AIG1: variants seen among roughly 807,000 people sequenced by gnomAD.
AIG1 encodes the protein androgen induced 1.
Under a neutral mutation model 31.4 loss-of-function variants are expected in AIG1, and 23 were observed. The ratio of observed to expected loss-of-function variants is 0.73; its 90% CI spans 0.53 to 1.04. AIG1 has a LOEUF of 1.04. Among genes scored for constraint, AIG1 ranks in the 50% least tolerant of loss-of-function variants. AIG1 has a pLI of 0.00. For synonymous variants in AIG1, 100 were observed against 110.5 expected (o/e 0.90, Z 0.60); for missense variants, 274 against 295.0 (o/e 0.93, Z 0.52).
At chr6:143,287,112 C>A (rs1026305800) in intron 4 of AIG1, among the ~76,000 whole-genome samples, 5 of 152,050 alleles carry the variant, frequency 3.3e-5, no homozygotes, top group African/African-American at 1.2e-4. Context: ...TTCCTGGACA[C>A]CCCCCTCCAT....
At chr6:143,188,471 C>T (rs1472449029) in intron 3 of AIG1, 4 of 985,284 alleles carry the variant, frequency 4.1e-6, no homozygotes, top group Admixed American at 6.1e-5. Flanking sequence ...TAGAGTGGCA[C>T]TGGAAGGTCT....
At chr6:143,308,884 T>A (rs1405683048) in intron 4 of AIG1, among the ~76,000 whole-genome samples, 3 of 152,150 alleles carry the variant, frequency 2.0e-5, no homozygotes, top group African/African-American at 7.2e-5. Context: ...GCCTTTATCA[T>A]AAACAGTCTG....
At chr6:143,118,540 A>C (rs1781945800) in intron 1 of AIG1, among the ~76,000 whole-genome samples, 1 of 152,206 alleles carries the variant, frequency 6.6e-6, no homozygotes, top group Non-Finnish European at 1.5e-5. Flanking sequence ...AAAATACCGA[A>C]AGATTGGACT....
At chr6:143,061,399 A>G (rs1360311716) in intron 1 of AIG1, 6 of 440,070 alleles carry the variant, frequency 1.4e-5, no homozygotes, top group Non-Finnish European at 2.7e-5. Flanking sequence ...AGAATCTTCA[A>G]CAAAAGCATC....
chr6:143,117,703 C>T (rs1260301469), intron 1 of AIG1, among the ~76,000 whole-genome samples: 1 of 152,080 alleles, frequency 6.6e-6, no homozygotes, highest in African/African-American at 2.4e-5. Flanking sequence ...TATCTAAAGT[C>T]AAGAGTCGAT....
intron 3 of AIG1, among the ~76,000 whole-genome samples, chr6:143,185,496 A>T (rs1172851347): frequency 1.3e-5 from 2 of 152,212 alleles, no homozygotes; most frequent in Non-Finnish European, 2.9e-5. Context: ...AACTCTGCTT[A>T]TCAACTCCGA....
chr6:143,191,980 G>A (rs1481523739), intron 3 of AIG1, among the ~76,000 whole-genome samples: 1 of 152,106 alleles, frequency 6.6e-6, no homozygotes, highest in Non-Finnish European at 1.5e-5. Context: ...TCCTCATTCT[G>A]TTTTGAAGCT....
intron 1 of AIG1, among the ~76,000 whole-genome samples, chr6:143,088,371 A>G (rs1460925434): frequency 1.3e-5 from 2 of 152,184 alleles, no homozygotes; most frequent in Non-Finnish European, 2.9e-5. Context: ...CTAAACTATT[A>G]TGACATATAC....
At position 143,258,722 on chromosome 6, in the gene AIG1, A is replaced by G. The variant is rs997268398; in HGVS notation, c.400-25388A>G. On this transcript the variant is annotated intron_variant, in intron 3 of 5. Coordinates refer to ENST00000357847, the MANE Select transcript of AIG1 (RefSeq NM_016108.4). This position sits in a 1 kb window ranked among gnomAD's most constrained non-coding sequence, Gnocchi z 4.7. ...AAAATAATTTGAGGAACAATTGTGAAAAAAGTCTTATATTCTAGACCCACC... is the reference window on the plus strand; with the variant it reads ...AAAATAATTTGAGGAACAATTGTGAGAAAAGTCTTATATTCTAGACCCACC... Among the ~76,000 whole-genome samples the G allele has an allele frequency of 4.7e-5, 7 of 149,264 alleles. No individual in the cohort carries two copies. In the East Asian group the frequency reaches 6.6e-4, roughly 14 times the overall value.
At chr6:143,086,791 T>G (rs746947440) in intron 1 of AIG1, among the ~76,000 whole-genome samples, 5 of 152,162 alleles carry the variant, frequency 3.3e-5, no homozygotes, top group Non-Finnish European at 7.3e-5. Context: ...AAGAAAGTTG[T>G]GGTCGGGACC....
At chr6:143,240,513 G>C (rs895705178) in intron 3 of AIG1, among the ~76,000 whole-genome samples, 1 of 152,126 alleles carries the variant, frequency 6.6e-6, no homozygotes, top group Non-Finnish European at 1.5e-5. Context: ...ACCCTGTTCT[G>C]CCTAGGATAA....
rs1798605916 is a variant in AIG1, at chr6:143,298,615, C to G, written c.515+14390C>G. On this transcript the variant is annotated intron_variant, in intron 4 of 5. Transcript: ENST00000357847. This position sits in a 1 kb window ranked among gnomAD's most constrained non-coding sequence, Gnocchi z 5.1. ...CACCTAGGCCCAGGAGTTCAAAACC[C>G]AGCCTGGACAACATAGCAAGCTAAT... 6.6e-6 allele frequency among the ~76,000 whole-genome samples: 1 copy of G among 152,178 alleles called. No homozygotes were observed. Among genetic ancestry groups the G allele is most frequent in the South Asian group, 2.1e-4 (1 of 4,828 alleles).
chr6:143,249,527 C>T (rs995783900), intron 3 of AIG1, among the ~76,000 whole-genome samples: 6 of 152,154 alleles, frequency 3.9e-5, no homozygotes, highest in Admixed American at 3.9e-4. Flanking sequence ...TTTCATCTGA[C>T]AGTAGTTCTG....
intron 2 of AIG1, among the ~76,000 whole-genome samples, chr6:143,158,191 T>G (rs889097249): frequency 1.3e-5 from 2 of 152,310 alleles, no homozygotes; most frequent in Middle Eastern, 3.4e-3. Flanking sequence ...TCTTTTCTTG[T>G]TGACCTTAGT....
rs187661488 is a variant in AIG1 at position 143,257,228 on chromosome 6, C to G, written c.400-26882C>G. The stretch of plus-strand genomic sequence containing the variant: ...CCAAGATCCTGTGGTCTCATCCATT[C>G]CTGGAGTCAAGAACACCTGAATCAC... On this transcript the variant is annotated intron_variant, in intron 3 of 5. Coordinates refer to ENST00000357847, the MANE Select transcript of AIG1 (RefSeq NM_016108.4). Among the ~76,000 whole-genome samples, 767 of 152,266 alleles carry G rather than the reference C, an allele frequency of 5.0e-3. 5 individuals are homozygous for G. The highest frequency in any genetic ancestry group is 7.7e-3 in the Non-Finnish European group (527 of 68,028).
chr6:143,305,532 A>T (rs1158603560), intron 4 of AIG1, among the ~76,000 whole-genome samples: 1 of 151,714 alleles, frequency 6.6e-6, no homozygotes, highest in African/African-American at 2.4e-5. Context: ...TAGTTGAGTG[A>T]TTTTGAGTGA....
downstream of AIG1, chr6:143,342,378 T>C: frequency 1.5e-6 from 1 of 684,382 alleles, no homozygotes; most frequent in African/African-American, 1.8e-5. Flanking sequence ...CAGGTTTAAC[T>C]TCTTTATTCA....
intron 3 of AIG1, among the ~76,000 whole-genome samples, chr6:143,195,165 A>C (rs1463091753): frequency 2.0e-5 from 3 of 152,050 alleles, no homozygotes; most frequent in Non-Finnish European, 4.4e-5. Context: ...TGACGGTGGG[A>C]GTTTAGGGTG....
At chr6:143,208,109 C>G (rs1791269496) in intron 3 of AIG1, among the ~76,000 whole-genome samples, 1 of 152,170 alleles carries the variant, frequency 6.6e-6, no homozygotes, top group East Asian at 1.9e-4. Context: ...GTGAGTAAGA[C>G]TGGCCTCCTT....
Sources: allele counts gnomAD v4.1 joint callset (sites outside exome capture counted in the v4.1 genomes callset), GRCh38; gene constraint gnomAD v4.1.1; non-coding constraint Gnocchi (gnomAD v3.1); transcripts MANE v1.5; gene names NCBI Gene and HGNC (gene_info 2026-07-23, HGNC 2026-07-21).